SYNPO2: variants seen among roughly 807,000 people sequenced by gnomAD.
The protein encoded by SYNPO2 is synaptopodin-2.
In SYNPO2, 56 loss-of-function variants were observed where a neutral mutation model predicts 85.0. The observed-to-expected ratio is 0.66, with a 90% CI of 0.53 to 0.82. The LOEUF (loss-of-function observed/expected upper bound fraction) is 0.82, where lower values mean the gene tolerates loss of function less well. SYNPO2 is among the 40% of genes least tolerant of loss of function. SYNPO2 has a pLI of 0.00. For missense variants in SYNPO2, 1,575 were observed against 1,534.2 expected (o/e 1.03, Z -0.44); for synonymous variants, 602 against 591.1 (o/e 1.02, Z -0.27).
At chr4:119,049,694 C>T (rs1020254807) in intron 4 of SYNPO2, among the ~76,000 whole-genome samples, 1 of 152,190 alleles carries the variant, frequency 6.6e-6, no homozygotes, top group African/African-American at 2.4e-5. Context: ...GACAGTTTAA[C>T]AAGGAAGCTA....
chr4:119,026,702 T>A lies in SYNPO2; in HGVS notation c.333T>A (p.Gly111=). The A allele has an allele frequency of 6.2e-7, 1 of 1,614,002 alleles. No homozygotes were observed. Among genetic ancestry groups the A allele is most frequent in the Non-Finnish European group, 8.5e-7 (1 of 1,179,980 alleles). ...ACCTCGAGCATCTCACACATGGGGG[T>A]TATGTGGAAAGTACCACCCTGCAGA... ...NKNLEHLTHG[G]YVESTTLQIR... The change falls in exon 3 of 5, where the codon GGT becomes GGA. Residue 111 remains glycine, a synonymous_variant. Coordinates refer to ENST00000307142, the MANE Select transcript of SYNPO2 (RefSeq NM_133477.3).
At chr4:118,879,175 G>C (rs918805494) in intron 1 of SYNPO2, among the ~76,000 whole-genome samples, 2 of 152,276 alleles carry the variant, frequency 1.3e-5, no homozygotes, top group East Asian at 1.9e-4. Context: ...AACAAACTCT[G>C]CACACACCAT....
chr4:118,920,774 AT>A (rs921238652), intron 1 of SYNPO2, among the ~76,000 whole-genome samples: 3 of 151,146 alleles, frequency 2.0e-5, no homozygotes, highest in African/African-American at 7.3e-5. Context: ...ATATGAAACC[AT>A]TTTTTTTTGG....
At chr4:119,019,089 G>A (rs1206048576) in intron 1 of SYNPO2, among the ~76,000 whole-genome samples, 3 of 152,074 alleles carry the variant, frequency 2.0e-5, no homozygotes, top group Non-Finnish European at 4.4e-5. Flanking sequence ...AGGGAGAAGA[G>A]CAGAAAAGAT....
chr4:118,874,437 TTCTC>T (rs1188027106), intron 1 of SYNPO2, among the ~76,000 whole-genome samples: 1 of 152,192 alleles, frequency 6.6e-6, no homozygotes, highest in African/African-American at 2.4e-5. Flanking sequence ...AAAGGCAAAA[TTCTC>T]TCCTAATTTG....
At chr4:119,039,663 C>T (rs1870423) in intron 4 of SYNPO2, among the ~76,000 whole-genome samples, 120,083 of 152,096 alleles carry the variant, frequency 0.79, 47,530 homozygotes, top group Admixed American at 0.82. Flanking sequence ...TCCAGCCAAC[C>T]AGCATCACAT....
chr4:118,975,378 C>T (rs1735685010), intron 1 of SYNPO2, among the ~76,000 whole-genome samples: 1 of 152,124 alleles, frequency 6.6e-6, no homozygotes, highest in African/African-American at 2.4e-5. Flanking sequence ...AAGTTCCTTT[C>T]AGAAAAAGCC....
In SYNPO2 at chr4:119,057,795, A is replaced by T. The variant is rs1027749625; in HGVS notation, c.3647A>T (p.Gln1216Leu). 1 of 1,614,142 alleles carries T rather than the reference A, an allele frequency of 6.2e-7. No individual in the cohort carries two copies. Among genetic ancestry groups the T allele is most frequent in the Non-Finnish European group, 8.5e-7 (1 of 1,180,026 alleles). Reference sequence around the variant, plus strand: ...TCCACCACCTCCCAATATGGTTCACAGTTGCCATATGCATATTATAGGCAG... The same window carrying T: ...TCCACCACCTCCCAATATGGTTCACTGTTGCCATATGCATATTATAGGCAG... ...NMSTTSQYGS[Q>L]LPYAYYRQAS... Residue 1216 changes from glutamine to leucine, a missense_variant, in exon 5 of 5, where the codon CAG (glutamine) becomes CTG (leucine). Physicochemically the swap from Gln to Leu is moderately radical, Grantham distance 113. Transcript: ENST00000307142.
intron 1 of SYNPO2, among the ~76,000 whole-genome samples, chr4:118,988,442 A>T (rs1381704673): frequency 6.6e-6 from 1 of 152,168 alleles, no homozygotes. Context: ...ACAACCTTAT[A>T]CAGCAGGTTG....
chr4:119,043,077 T>TTTTGA (rs1738765463), intron 4 of SYNPO2: 1 of 152,798 alleles, frequency 6.5e-6, no homozygotes, highest in Non-Finnish European at 1.5e-5. Context: ...TTTCTTTTGT[T>TTTTGA]TTTGTTTTGT....
intron 1 of SYNPO2, among the ~76,000 whole-genome samples, chr4:118,879,291 A>T (rs1195522364): frequency 6.6e-6 from 1 of 152,184 alleles, no homozygotes; most frequent in Non-Finnish European, 1.5e-5. Flanking sequence ...CAGAAGTGCC[A>T]ATTCAGAGAG....
intron 1 of SYNPO2, among the ~76,000 whole-genome samples, chr4:118,882,809 G>A (rs112348322): frequency 0.019 from 2,871 of 150,474 alleles, 38 homozygotes; most frequent in Non-Finnish European, 0.026. Flanking sequence ...TCGCTCTGTC[G>A]CCCAGGCTGA....
intron 4 of SYNPO2, among the ~76,000 whole-genome samples, chr4:119,054,275 C>T (rs1054445280): frequency 2.5e-4 from 38 of 152,306 alleles, no homozygotes; most frequent in African/African-American, 7.7e-4. Context: ...CGTCCACAGA[C>T]GGTGGTTTGT....
intron 1 of SYNPO2, among the ~76,000 whole-genome samples, chr4:118,871,053 T>C (rs1401128427): frequency 1.3e-5 from 2 of 152,204 alleles, no homozygotes; most frequent in Non-Finnish European, 2.9e-5. Flanking sequence ...GCCTTGGCTC[T>C]CATACCTACC....
intron 1 of SYNPO2, among the ~76,000 whole-genome samples, chr4:118,889,495 C>T (rs1422005570): frequency 1.3e-5 from 2 of 152,164 alleles, no homozygotes; most frequent in Non-Finnish European, 2.9e-5. Context: ...GATGTCACTT[C>T]ACTTGGCTCT....
chr4:119,030,941 C>T lies in SYNPO2; in HGVS notation c.2166C>T (p.Gly722=), dbSNP rs1275536663. ...TTCAAAATTCAGAAGGCAAACGGGG[C>T]ACTGGAGCTGGAGGTGATTCCGGAC... is the stretch of plus-strand genomic sequence containing the variant. ...SLLQNSEGKR[G]TGAGGDSGPE... The change falls in exon 4 of 5, where the codon GGC becomes GGT. Residue 722 remains glycine, a synonymous_variant. Transcript: ENST00000307142. The T allele has an allele frequency of 1.2e-6, 2 of 1,614,072 alleles. No homozygotes were observed. Among genetic ancestry groups the T allele is most frequent in the African/African-American group, 1.3e-5 (1 of 74,904 alleles).
At chr4:119,055,445 G>C (rs1739181075) in intron 4 of SYNPO2, among the ~76,000 whole-genome samples, 1 of 152,220 alleles carries the variant, frequency 6.6e-6, no homozygotes, top group Non-Finnish European at 1.5e-5. Flanking sequence ...GTGAGCCACT[G>C]CACTGGCCCA....
chr4:118,992,882 T>C (rs1736462483), intron 1 of SYNPO2, among the ~76,000 whole-genome samples: 1 of 152,220 alleles, frequency 6.6e-6, no homozygotes, highest in African/African-American at 2.4e-5. Flanking sequence ...TGCATGGCTT[T>C]ACCTCTTGCT....
chr4:118,969,932 C>CTA (rs1365653640), intron 1 of SYNPO2, among the ~76,000 whole-genome samples: 12 of 152,018 alleles, frequency 7.9e-5, no homozygotes, highest in African/African-American at 2.7e-4. Flanking sequence ...TTGCATTTAA[C>CTA]TATTAGATGA....
Sources: allele counts gnomAD v4.1 joint callset (sites outside exome capture counted in the v4.1 genomes callset), GRCh38; gene constraint gnomAD v4.1.1; transcripts MANE v1.5; gene names NCBI Gene and HGNC (gene_info 2026-07-23, HGNC 2026-07-21).